The following AUTS2 variants were observed in gnomAD, a reference collection of about 807,000 sequenced individuals.
AUTS2 encodes the protein activator of transcription and developmental regulator AUTS2.
A neutral mutation model predicts 112.4 loss-of-function variants in AUTS2; 17 were observed. The observed-to-expected ratio is 0.15, with a 90% CI of 0.10 to 0.23. The LOEUF (loss-of-function observed/expected upper bound fraction) is 0.23, where lower values mean the gene tolerates loss of function less well. AUTS2 is among the 10% of genes least tolerant of loss of function. The probability of loss-of-function intolerance (pLI) is 1.00; values close to 1 mark genes in which losing one functional copy is unlikely to be tolerated. For synonymous variants in AUTS2, 751 were observed against 702.7 expected, an observed-to-expected ratio of 1.07 and a Z score of -1.09; for missense variants, 1,510 against 1,701.6, an observed-to-expected ratio of 0.89 and a Z score of 1.98.
chr7:70,679,879 T>G (rs997045815), intron 5 of AUTS2, among the ~76,000 whole-genome samples: 1 of 152,210 alleles, frequency 6.6e-6, no homozygotes, highest in Admixed American at 6.5e-5. Flanking sequence ...CAGACTAAAG[T>G]GGGTGTGATG....
intron 4 of AUTS2, among the ~76,000 whole-genome samples, chr7:70,297,531 G>A (rs1045042460): frequency 2.7e-5 from 4 of 150,802 alleles, no homozygotes; most frequent in African/African-American, 4.9e-5. Flanking sequence ...CCGGGTTCAC[G>A]CCATTCTCCT....
intron 4 of AUTS2, among the ~76,000 whole-genome samples, chr7:70,411,826 C>T (rs919843178): frequency 2.6e-5 from 4 of 151,380 alleles, no homozygotes; most frequent in East Asian, 1.9e-4. Context: ...GGGATATGAA[C>T]GAGGTGGTTT....
intron 5 of AUTS2, among the ~76,000 whole-genome samples, chr7:70,655,224 G>A (rs914797663): frequency 6.6e-6 from 1 of 152,218 alleles, no homozygotes; most frequent in Non-Finnish European, 1.5e-5. Context: ...ACCATGACAG[G>A]CCCCTCAGAA....
intron 5 of AUTS2, among the ~76,000 whole-genome samples, chr7:70,583,637 G>A (rs1802555917): frequency 6.6e-6 from 1 of 152,206 alleles, no homozygotes; most frequent in Non-Finnish European, 1.5e-5. Context: ...GGGGAGTGGT[G>A]GACAGTGAGT....
chr7:69,774,263 G>T (rs1183822936), intron 1 of AUTS2, among the ~76,000 whole-genome samples: 2 of 152,154 alleles, frequency 1.3e-5, no homozygotes, highest in African/African-American at 4.8e-5. Context: ...TTTAGCTGGC[G>T]GTGGTATGTG....
chr7:70,620,002 G>A (rs79972128), intron 5 of AUTS2, among the ~76,000 whole-genome samples: 2,053 of 152,224 alleles, frequency 0.013, 53 homozygotes, highest in African/African-American at 0.047. Flanking sequence ...GCCGAGAAGC[G>A]CTTAGCACCC....
intron 1 of AUTS2, among the ~76,000 whole-genome samples, chr7:69,892,646 T>C (rs1794578382): frequency 6.6e-6 from 1 of 152,204 alleles, no homozygotes; most frequent in Non-Finnish European, 1.5e-5. Flanking sequence ...AATTTATTCT[T>C]TTATGGATTA....
intron 4 of AUTS2, among the ~76,000 whole-genome samples, chr7:70,329,114 T>C (rs964335183): frequency 1.3e-5 from 2 of 152,204 alleles, no homozygotes; most frequent in African/African-American, 4.8e-5. Flanking sequence ...ATTACTCCAC[T>C]CCTTTTTATA....
intron 4 of AUTS2, among the ~76,000 whole-genome samples, chr7:70,356,343 G>A (rs957394109): frequency 2.1e-5 from 3 of 143,024 alleles, no homozygotes; most frequent in Admixed American, 6.9e-5. Context: ...GTGTGTGAAG[G>A]GAAGTAGCCT....
chr7:70,577,658 C>T (rs1352408127), intron 5 of AUTS2, among the ~76,000 whole-genome samples: 2 of 152,154 alleles, frequency 1.3e-5, no homozygotes, highest in East Asian at 3.9e-4. Flanking sequence ...GCCACAGCTA[C>T]GGCAACAGTT....
At chr7:69,807,321 GGT>G (rs1308793786) in intron 1 of AUTS2, among the ~76,000 whole-genome samples, 2 of 152,042 alleles carry the variant, frequency 1.3e-5, no homozygotes, top group Non-Finnish European at 2.9e-5. Context: ...TGATTTTTTA[GGT>G]GTATTAGTTA....
chr7:69,691,819 C>T (rs1797359773), intron 1 of AUTS2, among the ~76,000 whole-genome samples: 1 of 152,130 alleles, frequency 6.6e-6, no homozygotes, highest in Non-Finnish European at 1.5e-5. Flanking sequence ...ATCAGTGGGA[C>T]CCAAGGCAGG....
At chr7:70,377,895 C>G (rs1034020292) in intron 4 of AUTS2, among the ~76,000 whole-genome samples, 1 of 151,720 alleles carries the variant, frequency 6.6e-6, no homozygotes, top group Non-Finnish European at 1.5e-5. Context: ...CTCAGCCTCC[C>G]AAGTAGCTGG....
At chr7:70,606,658 C>T (rs1408040344) in intron 5 of AUTS2, among the ~76,000 whole-genome samples, 4 of 152,084 alleles carry the variant, frequency 2.6e-5, no homozygotes, top group Non-Finnish European at 5.9e-5. Flanking sequence ...GTCGGAAGTT[C>T]GAGACCAGCC....
At chr7:70,281,850 G>A (rs931421498) in intron 4 of AUTS2, among the ~76,000 whole-genome samples, 4 of 152,132 alleles carry the variant, frequency 2.6e-5, no homozygotes, top group Non-Finnish European at 2.9e-5. Flanking sequence ...TTTCAGGTGC[G>A]GTTTCAGTGA....
At chr7:70,063,867 T>C (rs1157824139) in intron 2 of AUTS2, among the ~76,000 whole-genome samples, 1 of 152,132 alleles carries the variant, frequency 6.6e-6, no homozygotes, top group Non-Finnish European at 1.5e-5. Context: ...GTAATCACAA[T>C]GGTTTGGATG....
At chr7:69,794,858 A>T (rs900443042) in intron 1 of AUTS2, among the ~76,000 whole-genome samples, 1 of 152,108 alleles carries the variant, frequency 6.6e-6, no homozygotes, top group African/African-American at 2.4e-5. Context: ...GTAGGACTAT[A>T]CATTCACAAA....
At chr7:69,701,765 C>T (rs947619060) in intron 1 of AUTS2, among the ~76,000 whole-genome samples, 1 of 152,160 alleles carries the variant, frequency 6.6e-6, no homozygotes, top group Non-Finnish European at 1.5e-5. Flanking sequence ...GTATTATTAT[C>T]TCCAGTTTAC....
intron 3 of AUTS2, among the ~76,000 whole-genome samples, chr7:70,133,136 C>T (rs1399617027): frequency 6.6e-6 from 1 of 152,166 alleles, no homozygotes; most frequent in Non-Finnish European, 1.5e-5. Context: ...TATGGTGCTT[C>T]ATTCCCCTGA....
Sources: allele counts gnomAD v4.1 joint callset (sites outside exome capture counted in the v4.1 genomes callset), GRCh38; gene constraint gnomAD v4.1.1; transcripts MANE v1.5; gene names NCBI Gene and HGNC (gene_info 2026-07-23, HGNC 2026-07-21).